The following SHOC1 variants were observed in gnomAD, a reference collection of about 807,000 sequenced individuals.
The protein encoded by SHOC1 is protein shortage in chiasmata 1 ortholog.
In SHOC1, 136 loss-of-function variants were observed where a neutral mutation model predicts 179.2. That is an observed-to-expected ratio of 0.76 (90% CI 0.66 to 0.87). SHOC1 has a LOEUF of 0.87. Among genes scored for constraint, SHOC1 ranks in the 40% least tolerant of loss-of-function variants. The pLI is 0.00. For synonymous variants in SHOC1, 489 were observed against 586.6 expected (o/e 0.83, Z 2.41); for missense variants, 1,538 against 1,700.8 (o/e 0.90, Z 1.68).
chr9:111,744,138 C>T (rs975816418), intron 10 of SHOC1, among the ~76,000 whole-genome samples: 2 of 152,106 alleles, frequency 1.3e-5, no homozygotes, highest in African/African-American at 4.8e-5. Flanking sequence ...AATTAAAGAT[C>T]ATACTAATTT....
intron 18 of SHOC1, among the ~76,000 whole-genome samples, chr9:111,710,756 A>G (rs1832506188): frequency 6.6e-6 from 1 of 152,150 alleles, no homozygotes; most frequent in South Asian, 2.1e-4. Context: ...AAATGTTTTA[A>G]TTAATTTTTT....
chr9:111,698,380 G>C (rs1397540306), intron 24 of SHOC1, among the ~76,000 whole-genome samples: 1 of 152,174 alleles, frequency 6.6e-6, no homozygotes, highest in Non-Finnish European at 1.5e-5. Context: ...TAAGGTGTAA[G>C]GAAGAGATCC....
intron 16 of SHOC1, among the ~76,000 whole-genome samples, chr9:111,716,311 T>C (rs553518552): frequency 6.6e-6 from 1 of 151,562 alleles, no homozygotes; most frequent in Non-Finnish European, 1.5e-5. Context: ...GGGTAAATTA[T>C]AGACTACACT....
At chr9:111,778,605 C>T (rs1192617797) in intron 4 of SHOC1, among the ~76,000 whole-genome samples, 1 of 151,626 alleles carries the variant, frequency 6.6e-6, no homozygotes, top group African/African-American at 2.4e-5. Flanking sequence ...TCCATCTCTA[C>T]TAAAAATACA....
intron 26 of SHOC1, 118 bp downstream of exon 26, chr9:111,693,681 T>C (rs1481470521): frequency 1.8e-6 from 1 of 543,980 alleles, no homozygotes; most frequent in South Asian, 5.4e-5. Flanking sequence ...TCCTTGCTAT[T>C]TGAAGTCCAA....
chr9:111,718,490 G>A (rs913709840), intron 15 of SHOC1, among the ~76,000 whole-genome samples: 2 of 152,162 alleles, frequency 1.3e-5, no homozygotes, highest in Non-Finnish European at 2.9e-5. Context: ...TTTTATGAAT[G>A]AGGAAATAGT....
intron 3 of SHOC1, among the ~76,000 whole-genome samples, chr9:111,781,750 A>AAATAAATTAATTAATT (rs765900257): frequency 2.3e-4 from 34 of 150,892 alleles, no homozygotes; most frequent in Admixed American, 5.3e-4. Context: ...ATAAATAAAT[A>AAATAAATTAATTAATT]AATTTGTATG....
At chr9:111,750,293 G>T (rs1057367244) in intron 8 of SHOC1, among the ~76,000 whole-genome samples, 2 of 151,652 alleles carry the variant, frequency 1.3e-5, no homozygotes, top group African/African-American at 4.8e-5. Context: ...GGGATGTTAA[G>T]GTTTTTTTTT....
chr9:111,740,175 G>A (rs1833969912), intron 11 of SHOC1, among the ~76,000 whole-genome samples: 1 of 152,076 alleles, frequency 6.6e-6, no homozygotes, highest in Non-Finnish European at 1.5e-5. Context: ...ACTTTTGTAT[G>A]CTCTTATTTT....
chr9:111,731,933 A>G (rs1833589054), intron 12 of SHOC1, among the ~76,000 whole-genome samples: 1 of 152,216 alleles, frequency 6.6e-6, no homozygotes, highest in Non-Finnish European at 1.5e-5. Context: ...TCCATTTGTA[A>G]AAGACACAAT....
chr9:111,750,470 GACT>G (rs1471513602), intron 8 of SHOC1, among the ~76,000 whole-genome samples: 1 of 152,142 alleles, frequency 6.6e-6, no homozygotes, highest in African/African-American at 2.4e-5. Flanking sequence ...CAGTAACTGG[GACT>G]ACAGGCACTT....
At chr9:111,729,916 C>T (rs1010538320) in intron 12 of SHOC1, among the ~76,000 whole-genome samples, 4 of 151,448 alleles carry the variant, frequency 2.6e-5, no homozygotes, top group Non-Finnish European at 5.9e-5. Flanking sequence ...GGAGTCAATC[C>T]TCTCCAACCC....
intron 22 of SHOC1, among the ~76,000 whole-genome samples, chr9:111,703,623 C>T (rs1832091329): frequency 6.6e-6 from 1 of 151,980 alleles, no homozygotes. Flanking sequence ...TATAAATATA[C>T]TTAAAATAGG....
At chr9:111,724,157 C>T (rs1833194583) in intron 13 of SHOC1, among the ~76,000 whole-genome samples, 1 of 152,072 alleles carries the variant, frequency 6.6e-6, no homozygotes. Flanking sequence ...ACTCAGTTTC[C>T]TCATATGTAA....
At chr9:111,714,202 A>G (rs986404280) in intron 17 of SHOC1, among the ~76,000 whole-genome samples, 2 of 152,098 alleles carry the variant, frequency 1.3e-5, no homozygotes, top group African/African-American at 4.8e-5. Flanking sequence ...TTTTTTATAG[A>G]GACAAGGTCT....
chr9:111,698,116 A>T (rs1379483150), intron 24 of SHOC1, among the ~76,000 whole-genome samples: 1 of 152,208 alleles, frequency 6.6e-6, no homozygotes, highest in Non-Finnish European at 1.5e-5. Context: ...GGTAGATTGT[A>T]AAAATGTTCT....
At chr9:111,792,414 A>C (rs1178522614) in intron 1 of SHOC1, among the ~76,000 whole-genome samples, 1 of 152,102 alleles carries the variant, frequency 6.6e-6, no homozygotes, top group South Asian at 2.1e-4. Flanking sequence ...TAAAATACAA[A>C]AATACAAAAT....
chr9:111,753,661 CAAATCAATAAATGT>C (rs1343999086), intron 8 of SHOC1, among the ~76,000 whole-genome samples: 1 of 152,040 alleles, frequency 6.6e-6, no homozygotes, highest in Admixed American at 6.6e-5. Flanking sequence ...TCAACATATG[CAAATCAATAAATGT>C]GATACACTAC....
At chr9:111,757,222 C>T (rs1233406603) in intron 7 of SHOC1, among the ~76,000 whole-genome samples, 1 of 152,160 alleles carries the variant, frequency 6.6e-6, no homozygotes, top group Non-Finnish European at 1.5e-5. Flanking sequence ...CCTGCCTCAG[C>T]CTCCCGAGTA....
Sources: allele counts gnomAD v4.1 joint callset (sites outside exome capture counted in the v4.1 genomes callset), GRCh38; gene constraint gnomAD v4.1.1; transcripts MANE v1.5; gene names NCBI Gene and HGNC (gene_info 2026-07-23, HGNC 2026-07-21).